ACTN4: variants seen among roughly 807,000 people sequenced by gnomAD.
ACTN4 encodes actinin alpha 4.
In ACTN4, 18 loss-of-function variants were observed where a neutral mutation model predicts 114.2. The observed-to-expected ratio is 0.16, with a 90% CI of 0.11 to 0.23. The LOEUF is 0.23. Ranked by LOEUF, ACTN4 falls within the 10% of genes least tolerant of loss-of-function variation. The pLI, the probability that ACTN4 is intolerant of heterozygous loss-of-function variation, is 1.00. For synonymous variants in ACTN4, 515 were observed against 506.3 expected (o/e 1.02, Z -0.23); for missense variants, 722 against 1,262.9 (o/e 0.57, Z 6.49).
At chr19:38,701,378 C>T (rs928542378) in intron 3 of ACTN4, among the ~76,000 whole-genome samples, 5 of 152,168 alleles carry the variant, frequency 3.3e-5, no homozygotes, top group African/African-American at 7.2e-5. Flanking sequence ...ACCACGGGGG[C>T]GACGGCTTCT....
intron 1 of ACTN4, 57 bp from the exon 2 acceptor site, chr19:38,700,543 A>C: frequency 6.8e-7 from 1 of 1,460,268 alleles, no homozygotes; most frequent in East Asian, 2.3e-5. Context: ...AGGTGTGTGG[A>C]GAGAGCCCCG....
At chr19:38,728,314 A>G (rs1458075406) in intron 19 of ACTN4, 6 of 1,508,828 alleles carry the variant, frequency 4.0e-6, no homozygotes, top group East Asian at 2.7e-5. Context: ...TCCTCGGAGC[A>G]GAAGCAGACA....
At chr19:38,694,192 C>T (rs527630771) in intron 1 of ACTN4, among the ~76,000 whole-genome samples, 1 of 152,000 alleles carries the variant, frequency 6.6e-6, no homozygotes, top group Admixed American at 6.6e-5. Context: ...TCTGCTGGGG[C>T]GTTGCTCTGC....
At chr19:38,699,406 G>T (rs551746485) in intron 1 of ACTN4, among the ~76,000 whole-genome samples, 67 of 152,284 alleles carry the variant, frequency 4.4e-4, no homozygotes, top group African/African-American at 1.6e-3. Flanking sequence ...CCGGTGAGGG[G>T]GCCTGCCTCC....
chr19:38,721,503 G>C lies in ACTN4; in HGVS notation c.1292-35G>C, dbSNP rs117657955. 2.6e-5 allele frequency: 42 copies of C among 1,612,180 alleles called. No individual in the cohort carries two copies. The South Asian group carries it at 3.2e-4, about 12-fold the overall frequency. On this transcript the variant is annotated intron_variant, in intron 11 of 20. Transcript: ENST00000252699. ...TCCAGACTCCTGCCCCACAGCTGCC[G>C]TGCTGTGGTCTAAGCGTCTCTCTGC... is the stretch of plus-strand genomic sequence containing the variant.
At chr19:38,669,580 G>A (rs1967071218) in intron 1 of ACTN4, among the ~76,000 whole-genome samples, 1 of 152,174 alleles carries the variant, frequency 6.6e-6, no homozygotes, top group Admixed American at 6.5e-5. Context: ...GGTGGCAGAA[G>A]CCATCCCTAG....
chr19:38,695,991 C>G (rs899469604), intron 1 of ACTN4, among the ~76,000 whole-genome samples: 2 of 152,140 alleles, frequency 1.3e-5, no homozygotes, highest in Admixed American at 6.5e-5. Context: ...CTTCACCTCT[C>G]AGGCCCTCCG....
In ACTN4 at chr19:38,731,436, A is replaced by G; in HGVS notation, c.*2004A>G. ...CGGACTAAGACAGCCCCGACCCCAT[A>G]GGGTGTGTGAAGACAGAACGCTCAG... On this transcript the variant is annotated 3_prime_UTR_variant, in exon 21 of 21. Coordinates refer to ENST00000252699, the MANE Select transcript of ACTN4 (RefSeq NM_004924.6). The G allele has an allele frequency of 1.7e-6, 1 of 591,920 alleles. No homozygotes were observed. Among genetic ancestry groups the G allele is most frequent in the African/African-American group, 1.9e-5 (1 of 54,020 alleles). 36.7% of individuals were successfully genotyped at this position (591,920 alleles called of 1,614,324 possible). A position where few individuals can be genotyped will look rare whatever the true frequency, so the allele number is the denominator to read the frequency against.
At chr19:38,685,430 A>T (rs1375025216) in intron 1 of ACTN4, among the ~76,000 whole-genome samples, 2 of 151,836 alleles carry the variant, frequency 1.3e-5, no homozygotes, top group Non-Finnish European at 2.9e-5. Flanking sequence ...GGATTCATTC[A>T]CCCCCTCATC....
chr19:38,679,950 T>TC (rs1967503346), intron 1 of ACTN4, among the ~76,000 whole-genome samples: 1 of 152,100 alleles, frequency 6.6e-6, no homozygotes, highest in Non-Finnish European at 1.5e-5. Flanking sequence ...CTAAATTCTC[T>TC]CCCTCTGTCC....
Position 38,717,885 on chromosome 19 carries a change from C to T in ACTN4, c.1144-42C>T, listed in dbSNP as rs764895145. The T allele has an allele frequency of 6.4e-7, 1 of 1,560,994 alleles. No homozygotes were observed. Among genetic ancestry groups the T allele is most frequent in the South Asian group, 1.2e-5 (1 of 84,834 alleles). On this transcript the variant is annotated intron_variant, in intron 10 of 20. Coordinates refer to ENST00000252699, the MANE Select transcript of ACTN4 (RefSeq NM_004924.6). This position sits in a 1 kb window ranked among gnomAD's most constrained non-coding sequence, Gnocchi z 4.0. ...TTGGAGACATCCCCCTGGGTGCCTC[C>T]ACTTCCTTGTGATAGCCCTGCCTGC... is the stretch of plus-strand genomic sequence containing the variant.
chr19:38,672,474 C>G (rs1355223622), intron 1 of ACTN4, among the ~76,000 whole-genome samples: 4 of 151,878 alleles, frequency 2.6e-5, no homozygotes, highest in Non-Finnish European at 5.9e-5. Context: ...CTCCTGACCT[C>G]AAGTGACCCA....
chr19:38,730,828 A>T lies in ACTN4; in HGVS notation c.*1396A>T. On this transcript the variant is annotated 3_prime_UTR_variant, in exon 21 of 21. Coordinates refer to ENST00000252699, the MANE Select transcript of ACTN4 (RefSeq NM_004924.6). ...CTTGCTCAGCAACCCTGCCCTGAGC[A>T]GCAGGTGCGCCCATCCGGAGATCCT... The T allele has an allele frequency of 1.9e-6, 3 of 1,550,654 alleles. No individual in the cohort carries two copies. The highest frequency in any genetic ancestry group is 2.6e-6 in the Non-Finnish European group (3 of 1,147,076).
chr19:38,706,176 G>T (rs753626944), intron 5 of ACTN4, 45 bp downstream of exon 5: 1 of 1,582,958 alleles, frequency 6.3e-7, no homozygotes, highest in Non-Finnish European at 8.7e-7. Flanking sequence ...CTAGGAACCT[G>T]AGATCCTTCC....
chr19:38,720,961 T>A (rs564671724), intron 11 of ACTN4, among the ~76,000 whole-genome samples: 1 of 152,238 alleles, frequency 6.6e-6, no homozygotes, highest in Admixed American at 6.5e-5. Context: ...TTAGCCAGGA[T>A]CAGGGACTAA....
At chr19:38,674,317 G>T (rs931791524) in intron 1 of ACTN4, among the ~76,000 whole-genome samples, 6 of 152,160 alleles carry the variant, frequency 3.9e-5, no homozygotes, top group Non-Finnish European at 5.9e-5. Flanking sequence ...AGCAGTGTGA[G>T]TTGAAGTCAG....
At chr19:38,658,745 T>C (rs1976783642) in intron 1 of ACTN4, among the ~76,000 whole-genome samples, 1 of 152,202 alleles carries the variant, frequency 6.6e-6, no homozygotes, top group Non-Finnish European at 1.5e-5. Context: ...TTACAGGCTG[T>C]CTACGAACCA....
In ACTN4 at chr19:38,662,305, GCA is replaced by G. The variant is rs1281402196; in HGVS notation, c.162+14400_162+14401del. 2.6e-5 allele frequency among the ~76,000 whole-genome samples: 4 copies of G among 152,326 alleles called. No individual in the cohort carries two copies. In the East Asian group the frequency reaches 7.7e-4, roughly 29 times the overall value. ...AGACACTCCTGCCTCTGAACACACA[GCA>G]CCCAGCAAGAAGTTACCTTCATGGG... On this transcript the variant is annotated intron_variant, in intron 1 of 20. Coordinates refer to ENST00000252699, the MANE Select transcript of ACTN4 (RefSeq NM_004924.6).
At chr19:38,696,498 C>CA (rs1968097345) in intron 1 of ACTN4, among the ~76,000 whole-genome samples, 1 of 152,152 alleles carries the variant, frequency 6.6e-6, no homozygotes, top group African/African-American at 2.4e-5. Flanking sequence ...AGGATGGAAG[C>CA]AGAGTGTTAT....
Sources: gnomAD v4.1 joint callset for allele counts (sites outside exome capture counted in the v4.1 genomes callset) on GRCh38, gnomAD v4.1.1 for gene constraint, Gnocchi (gnomAD v3.1) non-coding constraint, MANE v1.5 for transcripts, NCBI Gene and HGNC (gene_info 2026-07-23, HGNC 2026-07-21) for gene names.